The following MED26 variants were observed in gnomAD, a reference collection of about 807,000 sequenced individuals.
MED26 encodes mediator of RNA polymerase II transcription subunit 26.
MED26 carries 7 observed loss-of-function variants against 43.7 expected under a neutral mutation model. The ratio of observed to expected loss-of-function variants is 0.16; its 90% confidence interval spans 0.09 to 0.30. The LOEUF is 0.30. Ranked by LOEUF, MED26 falls within the 10% of genes least tolerant of loss-of-function variation. MED26 has a pLI of 1.00. For synonymous variants in MED26, 375 were observed against 371.1 expected (o/e 1.01, Z -0.12); for missense variants, 784 against 840.6 (o/e 0.93, Z 0.83).
intron 1 of MED26, among the ~76,000 whole-genome samples, chr19:16,627,329 G>C (rs1323598481): frequency 6.6e-6 from 1 of 152,148 alleles, no homozygotes; most frequent in Non-Finnish European, 1.5e-5. Context: ...CTAGGTACCC[G>C]GCCAGGGGCA....
rs771488616 is a variant in MED26, at chr19:16,576,979, A to C, written c.851T>G (p.Phe284Cys). 6.2e-7 allele frequency: 1 copy of C among 1,603,572 alleles called. No individual in the cohort carries two copies. The highest frequency in any genetic ancestry group is 1.3e-5 in the African/African-American group (1 of 74,756). The change falls in exon 3 of 3, where the codon TTT becomes TGT. Residue 284 changes from phenylalanine to cysteine, a missense_variant. Physicochemically the swap from Phe to Cys is radical, Grantham distance 205 (BLOSUM62 -2). Coordinates refer to ENST00000263390, the MANE Select transcript of MED26 (RefSeq NM_004831.5). The surrounding 1 kb of genome is among the most constrained non-coding windows in gnomAD (Gnocchi z 6.8). ...TGCATACAAGCTCTGCTGCCGGGCA[A>C]AGGAGCCCTCATGCCGTGAGTTCCG... ...SPRNSRHEGS[F>C]ARQQSLYAPK... is the part of the protein sequence containing the mutation.
chr19:16,620,653 G>C (rs1274968680), intron 1 of MED26, among the ~76,000 whole-genome samples: 1 of 152,172 alleles, frequency 6.6e-6, no homozygotes, highest in African/African-American at 2.4e-5. Context: ...AATGATGAAT[G>C]GTTCCTGAGG....
intron 1 of MED26, 100 bp from the exon 2 acceptor site, chr19:16,578,509 G>A: frequency 9.1e-7 from 1 of 1,096,532 alleles, no homozygotes; most frequent in South Asian, 1.4e-5. Context: ...CAACCCCAGA[G>A]CAAGAGGAGC....
chr19:16,585,718 A>G (rs2086067480), intron 1 of MED26, among the ~76,000 whole-genome samples: 1 of 152,204 alleles, frequency 6.6e-6, no homozygotes, highest in South Asian at 2.1e-4. Flanking sequence ...CCGGAAGACT[A>G]GACTCTTCTG....
Position 16,577,479 on chromosome 19 carries a change from C to T in MED26, c.351G>A (p.Ala117=), listed in dbSNP as rs759157826. The stretch of plus-strand genomic sequence containing the variant: ...CATGGATGCTCCTGGGTGGGCCAGC[C>T]GCCCCCACCTCCGGCCGGCAGTTGT... The part of the protein sequence containing the change: ...GAHNCRPEVG[A]AGPPRSIHDL... Residue 117 remains alanine, a synonymous_variant, in exon 3 of 3, where the codon GCG becomes GCA. Coordinates refer to ENST00000263390, the MANE Select transcript of MED26 (RefSeq NM_004831.5). The surrounding 1 kb of genome is among the most constrained non-coding windows in gnomAD (Gnocchi z 8.1). The T allele has an allele frequency of 1.6e-5, 25 of 1,588,418 alleles. No homozygotes were observed. Among genetic ancestry groups the T allele is most frequent in the African/African-American group, 9.4e-5 (7 of 74,308 alleles).
At chr19:16,582,600 A>T (rs994401931) in intron 1 of MED26, among the ~76,000 whole-genome samples, 3 of 152,178 alleles carry the variant, frequency 2.0e-5, no homozygotes, top group Admixed American at 1.3e-4. Flanking sequence ...TGTGAGTGAC[A>T]GAGACACCAG....
chr19:16,578,205 G>C, intron 2 of MED26, 130 bp downstream of exon 2: 1 of 879,898 alleles, frequency 1.1e-6, no homozygotes, highest in Non-Finnish European at 1.9e-6. Flanking sequence ...CGAGCTGTGA[G>C]GGCACACCGC....
intron 1 of MED26, among the ~76,000 whole-genome samples, chr19:16,603,588 G>A (rs1040552613): frequency 6.6e-6 from 1 of 152,124 alleles, no homozygotes; most frequent in African/African-American, 2.4e-5. Flanking sequence ...CTGGGGAAGG[G>A]ACCTCAGCCC....
At chr19:16,608,901 G>C (rs1305848574) in intron 1 of MED26, among the ~76,000 whole-genome samples, 1 of 152,226 alleles carries the variant, frequency 6.6e-6, no homozygotes, top group South Asian at 2.1e-4. Context: ...AACTTAAAAA[G>C]CGTGTCATGC....
chr19:16,576,454 A>G lies in MED26; in HGVS notation c.1376T>C (p.Leu459Pro). ...VHMEQQSRTE[L>P]DKQEAKASLQ... is the part of the protein sequence containing the mutation. ...GCTGGCCTTGGCCTCCTGCTTGTCC[A>G]GCTCTGTCCTGGACTGCTGCTCCAT... The change falls in exon 3 of 3, where the codon CTG (leucine) becomes CCG (proline). Residue 459 changes from leucine to proline, a missense_variant. Leu to Pro is a moderately conservative substitution (Grantham distance 98). Around this residue, in one of 3 missense-constraint regions of MED26, gnomAD observed 719 missense variants for 730.9 expected, o/e 0.98. Coordinates refer to ENST00000263390, the MANE Select transcript of MED26 (RefSeq NM_004831.5). This position sits in a 1 kb window ranked among gnomAD's most constrained non-coding sequence, Gnocchi z 6.8. 1 of 1,614,026 alleles carries G rather than the reference A, an allele frequency of 6.2e-7. No homozygotes were observed. The highest frequency in any genetic ancestry group is 8.5e-7 in the Non-Finnish European group (1 of 1,179,988).
chr19:16,576,651 CTTT>C lies in MED26; in HGVS notation c.1176_1178del (p.Lys395del). The C allele has an allele frequency of 2.5e-6, 4 of 1,614,180 alleles. No homozygotes were observed. Among genetic ancestry groups the C allele is most frequent in the Non-Finnish European group, 3.4e-6 (4 of 1,180,040 alleles). ...AGTCTCGAGGTCGGTACCTCTTCTT[CTTT>C]TTACTGTCCGAGCCCCCTGAGGAGG... On this transcript the variant is annotated inframe_deletion, in exon 3 of 3. Transcript: ENST00000263390. The surrounding 1 kb of genome is among the most constrained non-coding windows in gnomAD (Gnocchi z 6.8).
At position 16,578,342 on chromosome 19, in the gene MED26, G is replaced by C; in HGVS notation, c.140C>G (p.Ala47Gly). 1 of 1,614,034 alleles carries C rather than the reference G, an allele frequency of 6.2e-7. No individual in the cohort carries two copies. The highest frequency in any genetic ancestry group is 8.5e-7 in the Non-Finnish European group (1 of 1,179,930). Residue 47 changes from alanine (A) to glycine (G), a missense_variant, in exon 2 of 3, where the codon GCA (alanine) becomes GGA (glycine). Ala to Gly is a moderately conservative substitution (Grantham distance 60, BLOSUM62 0). This residue lies in a region of MED26 where 28 missense variants were observed against 79.4 expected (regional missense o/e 0.35). Coordinates refer to ENST00000263390, the MANE Select transcript of MED26 (RefSeq NM_004831.5). ...GGGGTCTGGGATACTCACCTCAAGT[G>C]CCTCTTTGGTAATAGGGTATTTCTC... is the stretch of plus-strand genomic sequence containing the variant. ...SLEKYPITKE[A>G]LEETRLGKLI... is the part of the protein sequence containing the mutation.
chr19:16,583,467 A>G (rs1319152959), intron 1 of MED26, among the ~76,000 whole-genome samples: 1 of 145,344 alleles, frequency 6.9e-6, no homozygotes, highest in Non-Finnish European at 1.5e-5. Flanking sequence ...TGGCCTCTTC[A>G]TTGCTGCGGG....
At chr19:16,578,256 AAGCTGCGGAAG>A (rs2086023564) in intron 2 of MED26, 68 bp downstream of exon 2, 1 of 1,298,408 alleles carries the variant, frequency 7.7e-7, no homozygotes, top group African/African-American at 1.5e-5. Flanking sequence ...ATGCTCCCAG[AAGCTGCGGAAG>A]GACCTGGTTG....
In MED26 at chr19:16,576,576, G is replaced by C. The variant is rs201560710; in HGVS notation, c.1254C>G (p.Val418=). Residue 418 remains valine (V), a synonymous_variant, in exon 3 of 3, where the codon GTC becomes GTG. Transcript: ENST00000263390. The surrounding 1 kb of genome is among the most constrained non-coding windows in gnomAD (Gnocchi z 6.8). ...GQVAEAGVKP[V]RLKERKLTFD... is the part of the protein sequence containing the mutation. ...AGGTGAGCTTCCGCTCTTTTAACCG[G>C]ACAGGCTTGACGCCCGCCTCAGCCA... The C allele has an allele frequency of 3.7e-4, 605 of 1,614,184 alleles. 1 individual carries two copies. The highest frequency in any genetic ancestry group is 3.1e-3 in the Middle Eastern group (19 of 6,062).
Position 16,577,157 on chromosome 19 carries a change from C to T in MED26, c.673G>A (p.Ala225Thr), listed in dbSNP as rs1322713308. The T allele has an allele frequency of 5.6e-6, 9 of 1,613,186 alleles. No homozygotes were observed. Among genetic ancestry groups the T allele is most frequent in the African/African-American group, 1.3e-5 (1 of 74,926 alleles). Reference protein sequence around the residue: ...DKHSGKIPVNAVRPHTSSPGL... With the variant: ...DKHSGKIPVNTVRPHTSSPGL... ...GGGGAGCTGGTGTGCGGTCGCACGG[C>T]GTTGACGGGGATCTTGCCACTGTGC... Residue 225 changes from alanine to threonine, a missense_variant, in exon 3 of 3, where the codon GCC (alanine) becomes ACC (threonine). Transcript: ENST00000263390. The surrounding 1 kb of genome is among the most constrained non-coding windows in gnomAD (Gnocchi z 8.1).
At chr19:16,596,435 C>T (rs1014277568) in intron 1 of MED26, among the ~76,000 whole-genome samples, 1 of 152,202 alleles carries the variant, frequency 6.6e-6, no homozygotes, top group African/African-American at 2.4e-5. Flanking sequence ...CTAGGACTGG[C>T]ACTGAAGCCA....
chr19:16,583,519 G>C (rs2086055878), intron 1 of MED26, among the ~76,000 whole-genome samples: 2 of 152,106 alleles, frequency 1.3e-5, no homozygotes, highest in South Asian at 4.1e-4. Context: ...GGGGTGGGGG[G>C]TGTCGACAGC....
chr19:16,627,629 C>T (rs967941573), intron 1 of MED26, among the ~76,000 whole-genome samples: 3 of 152,336 alleles, frequency 2.0e-5, no homozygotes, highest in East Asian at 3.9e-4. Flanking sequence ...AGCCTCAGCT[C>T]CCCCGTCTGC....
Sources: gnomAD v4.1 joint callset for allele counts (sites outside exome capture counted in the v4.1 genomes callset) on GRCh38, gnomAD v4.1.1 for gene constraint, gnomAD v4.1.1 regional missense constraint, Gnocchi (gnomAD v3.1) non-coding constraint, MANE v1.5 for transcripts, NCBI Gene and HGNC (gene_info 2026-07-23, HGNC 2026-07-21) for gene names.